GIT1: variants seen among roughly 807,000 people sequenced by gnomAD.
GIT1 encodes the protein GIT ArfGAP 1, also known as ARF GTPase-activating protein GIT1.
A neutral mutation model predicts 91.7 loss-of-function variants in GIT1; 14 were observed. The observed-to-expected ratio is 0.15, with a 90% CI of 0.10 to 0.24. The LOEUF is 0.24. Among genes scored for constraint, GIT1 ranks in the 10% least tolerant of loss-of-function variants. The pLI is 1.00. For synonymous variants in GIT1, 414 were observed against 418.2 expected, an observed-to-expected ratio of 0.99 and a Z score of 0.12; for missense variants, 717 against 1,024.9, an observed-to-expected ratio of 0.70 and a Z score of 4.10.
At chr17:29,577,387 A>G (rs1280339260) in intron 10 of GIT1, 140 bp from the exon 11 acceptor site, 3 of 731,200 alleles carry the variant, frequency 4.1e-6, no homozygotes, top group Non-Finnish European at 6.9e-6. Context: ...TCACCTGGCT[A>G]GTCAGCAGCC....
chr17:29,582,152 G>T lies in GIT1; in HGVS notation c.406-8C>A. On this transcript the variant is annotated splice_polypyrimidine_tract_variant and splice_region_variant and intron_variant, in intron 4 of 19. Transcript: ENST00000225394. ...CACGCTCGAGTGTAGTTGCTAAGAG[G>T]AGCAGAGTGTGCAGTGAATACGCAT... The T allele has an allele frequency of 2.6e-6, 4 of 1,549,842 alleles. No individual in the cohort carries two copies. Among genetic ancestry groups the T allele is most frequent in the Non-Finnish European group, 3.5e-6 (4 of 1,153,730 alleles).
At chr17:29,582,325 CGTCA>C (rs1482912222) in intron 4 of GIT1, among the ~76,000 whole-genome samples, 181 bp from the exon 5 acceptor site, 1 of 152,250 alleles carries the variant, frequency 6.6e-6, no homozygotes. Context: ...TAAACGCTGC[CGTCA>C]GTCACCATCT....
Position 29,575,959 on chromosome 17 carries a change from C to T in GIT1, c.1666-61G>A. ...GCCCCACTGCCCCCCTGCTCACCAG[C>T]AGTGCAGCAGGGACCAGGTCAGTCT... On this transcript the variant is annotated intron_variant, in intron 15 of 19. Transcript: ENST00000225394. The surrounding 1 kb of genome is among the most constrained non-coding windows in gnomAD (Gnocchi z 5.5). 2 of 1,535,842 alleles carry T rather than the reference C, an allele frequency of 1.3e-6. No individual in the cohort carries two copies. Among genetic ancestry groups the T allele is most frequent in the South Asian group, 1.1e-5 (1 of 88,610 alleles).
Position 29,589,321 on chromosome 17 carries a change from G to A in GIT1, c.52+6C>T. 3.8e-6 allele frequency: 4 copies of A among 1,042,936 alleles called. No individual in the cohort carries two copies. The highest frequency in any genetic ancestry group is 4.6e-6 in the Non-Finnish European group (4 of 864,950). The allele number at this position is 1,042,936 out of a possible 1,614,324, so 64.6% of individuals were successfully genotyped here. Reference sequence around the variant, plus strand: ...GCGGTCCCGCCCCCGGCCCCGCCGCGCTTACCCGGGGCGCTGCAGTCCGCA... The same window carrying A: ...GCGGTCCCGCCCCCGGCCCCGCCGCACTTACCCGGGGCGCTGCAGTCCGCA... On this transcript the variant is annotated splice_donor_region_variant and intron_variant, in intron 1 of 19. Transcript: ENST00000225394. The surrounding 1 kb of genome is among the most constrained non-coding windows in gnomAD (Gnocchi z 5.2).
Position 29,575,802 on chromosome 17 carries a change from G to C in GIT1, c.1752+10C>G. 1 of 1,613,198 alleles carries C rather than the reference G, an allele frequency of 6.2e-7. No homozygotes were observed. On this transcript the variant is annotated intron_variant, in intron 16 of 19. Transcript: ENST00000225394. The surrounding 1 kb of genome is among the most constrained non-coding windows in gnomAD (Gnocchi z 5.5). ...AGCCACCCTGTGGGCACTGGGCATGGAAACATTACCGTGTGGCGGCTTCCC... is the reference window on the plus strand; with the variant it reads ...AGCCACCCTGTGGGCACTGGGCATGCAAACATTACCGTGTGGCGGCTTCCC...
intron 12 of GIT1, 69 bp from the exon 13 acceptor site, chr17:29,576,743 T>C: frequency 3.7e-6 from 6 of 1,600,046 alleles, no homozygotes; most frequent in South Asian, 1.1e-5. Context: ...GGGGCAGTTA[T>C]TGAGGCTAGG....
At chr17:29,583,860 C>G in intron 1 of GIT1, 1 of 501,578 alleles carries the variant, frequency 2.0e-6, no homozygotes, top group East Asian at 3.1e-5. Context: ...GATATGCAGT[C>G]CCCAGGGCCC....
intron 4 of GIT1, 22 bp from the exon 5 acceptor site, chr17:29,582,166 G>A: frequency 1.3e-6 from 2 of 1,519,510 alleles, no homozygotes; most frequent in Non-Finnish European, 8.8e-7. Flanking sequence ...AGAGTGTGCA[G>A]TGAATACGCA....
chr17:29,584,162 G>A (rs1013398187), intron 1 of GIT1, among the ~76,000 whole-genome samples: 2 of 152,246 alleles, frequency 1.3e-5, no homozygotes, highest in African/African-American at 4.8e-5. Context: ...AAGATGGACA[G>A]AGCAAAGGAG....
intron 7 of GIT1, chr17:29,579,032 C>T (rs747798613): frequency 1.0e-5 from 16 of 1,595,912 alleles, no homozygotes; most frequent in Admixed American, 5.0e-5. Flanking sequence ...AGGACAGAGG[C>T]GGCAGTTACC....
At position 29,589,312 on chromosome 17, in the gene GIT1, C is replaced by G; in HGVS notation, c.52+15G>C. The stretch of plus-strand genomic sequence containing the variant: ...CCTGGCTGTGCGGTCCCGCCCCCGG[C>G]CCCGCCGCGCTTACCCGGGGCGCTG... On this transcript the variant is annotated intron_variant, in intron 1 of 19. Transcript: ENST00000225394. This position sits in a 1 kb window ranked among gnomAD's most constrained non-coding sequence, Gnocchi z 5.2. 9.7e-7 allele frequency: 1 copy of G among 1,027,722 alleles called. No homozygotes were observed. Among genetic ancestry groups the G allele is most frequent in the Non-Finnish European group, 1.2e-6 (1 of 855,950 alleles). 63.7% of individuals were successfully genotyped at this position (1,027,722 alleles called of 1,614,324 possible). A position where few individuals can be genotyped will look rare whatever the true frequency, so the allele number is the denominator to read the frequency against.
Position 29,575,062 on chromosome 17 carries a change from C to T in GIT1, c.2073+17G>A, listed in dbSNP as rs1002446977. ...TCGAGGCCCTCCCACTCCTGGTCCTCTCTTTGGCCCCTGTACCTTTGGGAA... is the reference window on the plus strand; with the variant it reads ...TCGAGGCCCTCCCACTCCTGGTCCTTTCTTTGGCCCCTGTACCTTTGGGAA... On this transcript the variant is annotated intron_variant, in intron 19 of 19. Transcript: ENST00000225394. The surrounding 1 kb of genome is among the most constrained non-coding windows in gnomAD (Gnocchi z 5.5). 1.3e-6 allele frequency: 2 copies of T among 1,573,520 alleles called. No individual in the cohort carries two copies. The highest frequency in any genetic ancestry group is 1.8e-5 in the Admixed American group (1 of 56,496).
At chr17:29,586,438 T>G (rs1176661431) in intron 1 of GIT1, among the ~76,000 whole-genome samples, 1 of 152,130 alleles carries the variant, frequency 6.6e-6, no homozygotes. Flanking sequence ...TGGATACCCT[T>G]ATTCTATAAC....
rs1441597658 is a variant in GIT1, at chr17:29,576,402, G to C, written c.1429C>G (p.Pro477Ala). 1 of 1,613,202 alleles carries C rather than the reference G, an allele frequency of 6.2e-7. No homozygotes were observed. The highest frequency in any genetic ancestry group is 8.5e-7 in the Non-Finnish European group (1 of 1,179,886). The part of the protein sequence containing the change: ...ENLQLRQPPG[P>A]VPTPPLPSER... The stretch of plus-strand genomic sequence containing the variant: ...CTGGGGAGTGGAGGTGTGGGCACCG[G>C]CCCTGGAGGCTGCCGGAGCTGCAGG... Residue 477 changes from proline to alanine, a missense_variant, in exon 14 of 20, where the codon CCG becomes GCG. By Grantham distance (27) the Pro-to-Ala change is conservative (BLOSUM62 -1). This residue lies in a region of GIT1 where 312 missense variants were observed against 349.5 expected (regional missense o/e 0.89). Transcript: ENST00000225394.
chr17:29,584,772 T>C (rs1439345983), intron 1 of GIT1, among the ~76,000 whole-genome samples: 1 of 152,108 alleles, frequency 6.6e-6, no homozygotes, highest in Admixed American at 6.5e-5. Context: ...CTTAGGGGGA[T>C]AAGAATCTCT....
chr17:29,577,349 AC>A, intron 10 of GIT1, 102 bp from the exon 11 acceptor site: 1 of 921,158 alleles, frequency 1.1e-6, no homozygotes, highest in Non-Finnish European at 1.7e-6. Context: ...ATTTAATTTA[AC>A]CCCAGCTAAA....
At chr17:29,586,229 C>T (rs1476834172) in intron 1 of GIT1, among the ~76,000 whole-genome samples, 2 of 152,200 alleles carry the variant, frequency 1.3e-5, no homozygotes, top group East Asian at 3.8e-4. Context: ...AGTCCATATG[C>T]GGCCCAGGCA....
chr17:29,574,544 C>A lies in GIT1; in HGVS notation c.*158G>T. The A allele has an allele frequency of 1.4e-6, 1 of 707,118 alleles. No homozygotes were observed. The highest frequency in any genetic ancestry group is 2.5e-5 in the East Asian group (1 of 40,584). The allele number at this position is 707,118 out of a possible 1,614,324, so 43.8% of individuals were successfully genotyped here. A position where few individuals can be genotyped will look rare whatever the true frequency, so the allele number is the denominator to read the frequency against. On this transcript the variant is annotated 3_prime_UTR_variant, in exon 20 of 20. Transcript: ENST00000225394. ...CACCTCCCCATCCTTAGGGGCTCGA[C>A]AGGGGTGGGCACCAGGGCACCTGGC...
intron 2 of GIT1, 50 bp from the exon 3 acceptor site, chr17:29,583,087 A>G (rs2033458902): frequency 2.4e-6 from 3 of 1,225,756 alleles, no homozygotes; most frequent in Non-Finnish European, 3.6e-6. Context: ...GTGCTAAGCA[A>G]TGGGGGAAAC....
Sources: allele counts gnomAD v4.1 joint callset (sites outside exome capture counted in the v4.1 genomes callset), GRCh38; gene constraint gnomAD v4.1.1; regional missense constraint gnomAD v4.1.1; non-coding constraint Gnocchi (gnomAD v3.1); transcripts MANE v1.5; gene names NCBI Gene and HGNC (gene_info 2026-07-23, HGNC 2026-07-21).